The following SEPTIN11 variants were observed in gnomAD, a reference collection of about 807,000 sequenced individuals.
The protein encoded by SEPTIN11 is septin-11.
SEPTIN11 carries 25 observed loss-of-function variants against 51.4 expected under a neutral mutation model. The ratio of observed to expected loss-of-function variants is 0.49; its 90% CI spans 0.35 to 0.68. SEPTIN11 has a LOEUF of 0.68. SEPTIN11 is among the 30% of genes least tolerant of loss of function. The pLI is 0.00. For synonymous variants in SEPTIN11, 174 were observed against 184.1 expected, an observed-to-expected ratio of 0.95 and a Z score of 0.44; for missense variants, 381 against 520.8, an observed-to-expected ratio of 0.73 and a Z score of 2.61.
Position 77,035,236 on chromosome 4 carries a change from T to G in SEPTIN11, c.*724T>G. On this transcript the variant is annotated 3_prime_UTR_variant, in exon 10 of 10. Transcript: ENST00000264893. ...ATTTACTGGTGCATCCTTGATCCTC[T>G]CACAGATAGAGGTCTTAAAGGTTGG... 1.0e-6 allele frequency: 1 copy of G among 985,396 alleles called. No individual in the cohort carries two copies. Among genetic ancestry groups the G allele is most frequent in the South Asian group, 4.7e-5 (1 of 21,278 alleles). The allele number at this position is 985,396 out of a possible 1,614,324, so 61.0% of individuals were successfully genotyped here.
At chr4:76,973,280 G>A (rs1722329895) in intron 1 of SEPTIN11, among the ~76,000 whole-genome samples, 2 of 152,166 alleles carry the variant, frequency 1.3e-5, no homozygotes, top group Non-Finnish European at 2.9e-5. Context: ...GATGACAGAC[G>A]GGTCTGCCTC....
chr4:76,961,067 A>G (rs1236407106), intron 1 of SEPTIN11, among the ~76,000 whole-genome samples: 2 of 152,196 alleles, frequency 1.3e-5, no homozygotes, highest in Admixed American at 1.3e-4. Context: ...TAAGACTCAG[A>G]TAATGCTCAA....
intron 3 of SEPTIN11, among the ~76,000 whole-genome samples, chr4:77,011,267 G>A (rs895864500): frequency 6.6e-6 from 1 of 152,162 alleles, no homozygotes; most frequent in African/African-American, 2.4e-5. Context: ...GCAATCAGTA[G>A]GGAGAGGCTA....
At chr4:77,018,566 AT>A (rs544720857) in intron 5 of SEPTIN11, among the ~76,000 whole-genome samples, 16 of 152,318 alleles carry the variant, frequency 1.1e-4, no homozygotes, top group South Asian at 2.1e-4. Context: ...CTGTATTTAC[AT>A]TTTGTAAAAT....
At chr4:77,009,079 G>T (rs1374799089) in intron 3 of SEPTIN11, among the ~76,000 whole-genome samples, 1 of 152,200 alleles carries the variant, frequency 6.6e-6, no homozygotes, top group Non-Finnish European at 1.5e-5. Context: ...TTAAATCTTT[G>T]ACATAGGGAA....
At chr4:76,950,781 G>A (rs1179161504) in intron 1 of SEPTIN11, among the ~76,000 whole-genome samples, 2 of 152,140 alleles carry the variant, frequency 1.3e-5, no homozygotes, top group East Asian at 3.9e-4. Context: ...GGACTCCGAG[G>A]GTGCGGTTCA....
chr4:77,016,633 C>CACATATATATATATACACACACACATAT (rs1375044162), intron 5 of SEPTIN11, among the ~76,000 whole-genome samples: 1 of 72,744 alleles, frequency 1.4e-5, no homozygotes, highest in African/African-American at 5.3e-5. Flanking sequence ...TATATATACA[C>CACATATATATATATACACACACACATAT]ATATATATAT....
At chr4:77,023,387 CATATA>C (rs965965613) in intron 7 of SEPTIN11, among the ~76,000 whole-genome samples, 14 of 147,026 alleles carry the variant, frequency 9.5e-5, no homozygotes, top group African/African-American at 3.0e-4. Flanking sequence ...AATATATACA[CATATA>C]ATATATATAC....
chr4:76,980,988 T>C (rs2109915150), intron 1 of SEPTIN11, among the ~76,000 whole-genome samples: 1 of 152,354 alleles, frequency 6.6e-6, no homozygotes, highest in East Asian at 1.9e-4. Context: ...ATATTCCCAT[T>C]CACATATCCC....
rs540250406 is a variant in SEPTIN11, at chr4:76,995,337, G to A, written c.28-1088G>A. Among the ~76,000 whole-genome samples the A allele has an allele frequency of 1.2e-4, 19 of 152,072 alleles. No individual in the cohort carries two copies. In the South Asian group the frequency reaches 3.7e-3, roughly 30 times the overall value. On this transcript the variant is annotated intron_variant, in intron 1 of 9. Transcript: ENST00000264893. Reference sequence around the variant, plus strand: ...GCAGAGGTTGCAGTGAGCTGAGATCGTGCCACTACACTCCAACCTGGCGAC... The same window carrying A: ...GCAGAGGTTGCAGTGAGCTGAGATCATGCCACTACACTCCAACCTGGCGAC...
At chr4:76,988,048 C>T (rs1723139212) in intron 1 of SEPTIN11, among the ~76,000 whole-genome samples, 1 of 152,170 alleles carries the variant, frequency 6.6e-6, no homozygotes, top group African/African-American at 2.4e-5. Flanking sequence ...TACCTTCTCC[C>T]ATCAGGTACT....
rs762775423 is a variant in SEPTIN11, at chr4:77,011,887, T to G, written c.491T>G (p.Leu164Arg). 6.2e-7 allele frequency: 1 copy of G among 1,614,080 alleles called. No individual in the cohort carries two copies. Among genetic ancestry groups the G allele is most frequent in the Non-Finnish European group, 8.5e-7 (1 of 1,179,948 alleles). The change falls in exon 4 of 10, where the codon CTG (leucine) becomes CGG (arginine). Residue 164 changes from leucine (L) to arginine (R), a missense_variant. Transcript: ENST00000264893. ...IAPTGHSLKS[L>R]DLVTMKKLDS... is the part of the protein sequence containing the mutation. ...CCTACTGGACATTCACTAAAGTCCC[T>G]GGATCTGGTCACCATGAAAAAGCTG... is the stretch of plus-strand genomic sequence containing the variant.
chr4:77,001,994 A>T (rs1724152443), intron 2 of SEPTIN11, among the ~76,000 whole-genome samples: 1 of 152,210 alleles, frequency 6.6e-6, no homozygotes. Context: ...AAGCTAATGC[A>T]TTGAAAAACT....
intron 1 of SEPTIN11, among the ~76,000 whole-genome samples, chr4:76,973,617 G>A (rs1162813710): frequency 6.6e-6 from 1 of 152,106 alleles, no homozygotes; most frequent in Non-Finnish European, 1.5e-5. Flanking sequence ...GACACAAATC[G>A]AGCAAACAGC....
At chr4:77,019,086 A>T in intron 5 of SEPTIN11, 79 bp from the exon 6 acceptor site, 3 of 1,330,638 alleles carry the variant, frequency 2.3e-6, no homozygotes, top group Non-Finnish European at 3.1e-6. Context: ...CTGCAGAAGG[A>T]GGGAGAAGAT....
chr4:77,001,445 G>A (rs1273429317), intron 2 of SEPTIN11, among the ~76,000 whole-genome samples: 1 of 151,872 alleles, frequency 6.6e-6, no homozygotes, highest in East Asian at 1.9e-4. Context: ...CGCCTCCCAG[G>A]TTCAACGGAT....
intron 5 of SEPTIN11, 93 bp downstream of exon 5, chr4:77,015,110 G>C: frequency 8.1e-7 from 1 of 1,228,006 alleles, no homozygotes; most frequent in Non-Finnish European, 1.1e-6. Flanking sequence ...GGACTGACTA[G>C]GAACCTGATG....
chr4:77,010,576 T>C (rs1373503997), intron 3 of SEPTIN11, among the ~76,000 whole-genome samples: 4 of 152,266 alleles, frequency 2.6e-5, no homozygotes, highest in Non-Finnish European at 4.4e-5. Flanking sequence ...TCAGTTTTGC[T>C]CATAAGTTTG....
rs1029279201 is a variant in SEPTIN11, at chr4:76,984,059, G to T, written c.28-12366G>T. Among the ~76,000 whole-genome samples the T allele has an allele frequency of 6.6e-6, 1 of 152,144 alleles. No homozygotes were observed. The highest frequency in any genetic ancestry group is 2.4e-5 in the African/African-American group (1 of 41,440). On this transcript the variant is annotated intron_variant, in intron 1 of 9. Transcript: ENST00000264893. The surrounding 1 kb of genome is among the most constrained non-coding windows in gnomAD (Gnocchi z 4.1). ...CTCTTAGGAAGACTTGAGGATTTTG[G>T]CCATAATTGTTTAGTAATATTTGTA...
Sources: gnomAD v4.1 joint callset for allele counts (sites outside exome capture counted in the v4.1 genomes callset) on GRCh38, gnomAD v4.1.1 for gene constraint, Gnocchi (gnomAD v3.1) non-coding constraint, MANE v1.5 for transcripts, NCBI Gene and HGNC (gene_info 2026-07-23, HGNC 2026-07-21) for gene names.